MARCHF1: variants seen among roughly 807,000 people sequenced by gnomAD.
MARCHF1 encodes E3 ubiquitin-protein ligase MARCHF1.
MARCHF1 carries 40 observed loss-of-function variants against 54.2 expected under a neutral mutation model. The observed-to-expected ratio is 0.74, with a 90% CI of 0.57 to 0.96. The LOEUF is 0.96. Ranked by LOEUF, MARCHF1 falls within the 40% of genes least tolerant of loss-of-function variation. The pLI is 0.00. For missense variants in MARCHF1, 586 were observed against 656.5 expected (o/e 0.89, Z 1.17); for synonymous variants, 236 against 236.3 (o/e 1.00, Z 0.01).
At chr4:163,592,638 A>G (rs771971480) in intron 7 of MARCHF1, among the ~76,000 whole-genome samples, 23 of 152,108 alleles carry the variant, frequency 1.5e-4, no homozygotes, top group Non-Finnish European at 8.8e-5. Flanking sequence ...ATTCACAGAC[A>G]TTGAATTCTG....
At chr4:164,346,598 ATGTATG>A (rs149964215) in intron 1 of MARCHF1, among the ~76,000 whole-genome samples, 21 of 31,092 alleles carry the variant, frequency 6.8e-4, no homozygotes, top group East Asian at 1.0e-3. Flanking sequence ...ACCTGTATGT[ATGTATG>A]TATATATATA....
intron 3 of MARCHF1, among the ~76,000 whole-genome samples, chr4:163,929,550 C>A (rs1267176211): frequency 6.6e-6 from 1 of 151,498 alleles, no homozygotes; most frequent in Non-Finnish European, 1.5e-5. Flanking sequence ...ATTTTTTTTC[C>A]CTTCATCAGA....
intron 4 of MARCHF1, among the ~76,000 whole-genome samples, chr4:163,772,991 G>A (rs978874661): frequency 5.9e-5 from 9 of 152,208 alleles, no homozygotes; most frequent in Non-Finnish European, 8.8e-5. Context: ...TATTTGTCAA[G>A]TGTTTAGTTT....
At chr4:163,743,968 T>G (rs931981238) in intron 4 of MARCHF1, among the ~76,000 whole-genome samples, 3 of 152,218 alleles carry the variant, frequency 2.0e-5, no homozygotes, top group Admixed American at 2.0e-4. Context: ...ACTGGTTAGG[T>G]GTTTGCAATA....
intron 1 of MARCHF1, among the ~76,000 whole-genome samples, chr4:164,225,136 T>C (rs927074340): frequency 1.3e-5 from 2 of 152,054 alleles, no homozygotes; most frequent in African/African-American, 2.4e-5. Flanking sequence ...CCAGAGATAA[T>C]TGTATAATTG....
In MARCHF1 at chr4:164,373,380, T is replaced by C. The variant is rs192974130; in HGVS notation, c.-323+10490A>G. On this transcript the variant is annotated intron_variant, in intron 1 of 9. Transcript: ENST00000514618. ...TTTTTTTTTTTTTTTTTTTTTGAGA[T>C]GAGTCTCACTCTCACCCAGGCTAGA... is the stretch of plus-strand genomic sequence containing the variant. Among the ~76,000 whole-genome samples the C allele has an allele frequency of 1.2e-4, 15 of 125,150 alleles. No homozygotes were observed. The East Asian group carries it at 2.4e-3, about 20-fold the overall frequency. 82.1% of individuals were successfully genotyped at this position (125,150 alleles called of 152,430 possible).
At chr4:164,156,134 G>A (rs1349033365) in intron 1 of MARCHF1, among the ~76,000 whole-genome samples, 2 of 152,100 alleles carry the variant, frequency 1.3e-5, no homozygotes, top group Admixed American at 6.5e-5. Flanking sequence ...TGGGAAATCT[G>A]GGTTCAATTG....
At chr4:164,052,488 C>T (rs189422077) in intron 2 of MARCHF1, among the ~76,000 whole-genome samples, 128 of 151,980 alleles carry the variant, frequency 8.4e-4, no homozygotes, top group African/African-American at 2.1e-3. Flanking sequence ...GCCAAGATCA[C>T]GCCACTGCAC....
chr4:164,187,320 C>T (rs1021455539), intron 1 of MARCHF1, among the ~76,000 whole-genome samples: 4 of 152,184 alleles, frequency 2.6e-5, no homozygotes, highest in African/African-American at 9.7e-5. Flanking sequence ...CCCTCTGGAT[C>T]AGAGGCAGAT....
At chr4:163,651,692 A>G (rs563905321) in intron 5 of MARCHF1, among the ~76,000 whole-genome samples, 1 of 151,966 alleles carries the variant, frequency 6.6e-6, no homozygotes, top group South Asian at 2.1e-4. Context: ...CCTAGGTTTT[A>G]TCATGATGTC....
At chr4:163,873,882 G>C (rs925649028) in intron 3 of MARCHF1, among the ~76,000 whole-genome samples, 1 of 152,128 alleles carries the variant, frequency 6.6e-6, no homozygotes, top group Non-Finnish European at 1.5e-5. Context: ...TGCTACTCTG[G>C]AATCGTACCC....
At chr4:164,190,314 C>T (rs990624358) in intron 1 of MARCHF1, 9 of 700,864 alleles carry the variant, frequency 1.3e-5, no homozygotes, top group South Asian at 1.8e-5. Context: ...GAAGAGGATA[C>T]GGCAGAAAAA....
At chr4:164,326,292 A>G (rs1407726797) in intron 1 of MARCHF1, among the ~76,000 whole-genome samples, 1 of 152,228 alleles carries the variant, frequency 6.6e-6, no homozygotes, top group Non-Finnish European at 1.5e-5. Flanking sequence ...ATGCAAAATG[A>G]CTAGTTTTTA....
chr4:163,554,691 G>C (rs1739226313), intron 8 of MARCHF1, among the ~76,000 whole-genome samples: 1 of 152,154 alleles, frequency 6.6e-6, no homozygotes, highest in African/African-American at 2.4e-5. Context: ...GGAATTATAT[G>C]AGATAATCTA....
chr4:163,695,523 A>G (rs1744600768), intron 5 of MARCHF1, among the ~76,000 whole-genome samples: 1 of 152,188 alleles, frequency 6.6e-6, no homozygotes, highest in Admixed American at 6.6e-5. Flanking sequence ...TAACTGAAGA[A>G]TTGAAATGAC....
intron 1 of MARCHF1, among the ~76,000 whole-genome samples, chr4:164,143,939 A>T (rs1040023981): frequency 1.2e-4 from 19 of 152,340 alleles, no homozygotes; most frequent in African/African-American, 4.6e-4. Flanking sequence ...TCTCACGTGC[A>T]GAGACACACA....
intron 1 of MARCHF1, among the ~76,000 whole-genome samples, chr4:164,145,135 C>T (rs1229142321): frequency 6.6e-6 from 1 of 150,492 alleles, no homozygotes; most frequent in Non-Finnish European, 1.5e-5. Context: ...GAAGTTGAAT[C>T]TCTGAATAGA....
intron 1 of MARCHF1, among the ~76,000 whole-genome samples, chr4:164,267,877 G>C (rs1733648500): frequency 2.0e-5 from 3 of 152,036 alleles, no homozygotes; most frequent in Non-Finnish European, 4.4e-5. Context: ...CCAGAATCCA[G>C]CTCTCAAACA....
chr4:164,110,235 G>A (rs1401781535), intron 2 of MARCHF1, among the ~76,000 whole-genome samples: 4 of 151,186 alleles, frequency 2.6e-5, no homozygotes, highest in East Asian at 3.9e-4. Flanking sequence ...GGAAAAACTC[G>A]ATTATTTCCT....
Sources: gnomAD v4.1 joint callset for allele counts (sites outside exome capture counted in the v4.1 genomes callset) on GRCh38, gnomAD v4.1.1 for gene constraint, MANE v1.5 for transcripts, NCBI Gene and HGNC (gene_info 2026-07-23, HGNC 2026-07-21) for gene names.